Variants in PCDHA6 observed in about 807,000 individuals in gnomAD.
PCDHA6 encodes the protein protocadherin alpha 6, also known as protocadherin alpha-6.
In PCDHA6, 55 loss-of-function variants were observed where a neutral mutation model predicts 60.3. The ratio of observed to expected loss-of-function variants is 0.91; its 90% CI spans 0.73 to 1.14. The LOEUF (loss-of-function observed/expected upper bound fraction) is 1.14, where lower values mean the gene tolerates loss of function less well. PCDHA6 is among the 50% of genes most tolerant of loss of function. The probability of loss-of-function intolerance (pLI) is 0.00; values close to 1 mark genes in which losing one functional copy is unlikely to be tolerated. For missense variants in PCDHA6, 1,327 were observed against 1,256.5 expected (o/e 1.06, Z -0.85); for synonymous variants, 652 against 557.9 (o/e 1.17, Z -2.38).
chr5:140,888,197 C>T (rs190439070), intron 1 of PCDHA6, among the ~76,000 whole-genome samples: 18 of 152,162 alleles, frequency 1.2e-4, no homozygotes, highest in East Asian at 1.2e-3. Flanking sequence ...TTTACATTGT[C>T]GGATGCTGGA....
rs2067929537 is a variant in PCDHA6 at position 140,900,315 on chromosome 5, T to C, written c.2394+69830T>C. Among the ~76,000 whole-genome samples the C allele has an allele frequency of 2.0e-5, 3 of 152,186 alleles. No homozygotes were observed. The East Asian group carries it at 5.8e-4, about 29-fold the overall frequency. On this transcript the variant is annotated intron_variant, in intron 1 of 3. Transcript: ENST00000529310. ...GTTTTTTTAGACAGTCTCACTTTTG[T>C]CGCCCAGGCTGGAGTACCGTGGCGC...
chr5:140,907,932 A>T (rs1291390398), intron 1 of PCDHA6, among the ~76,000 whole-genome samples: 1 of 152,202 alleles, frequency 6.6e-6, no homozygotes, highest in Non-Finnish European at 1.5e-5. Context: ...GTCCATTCAC[A>T]TACCTTTTCC....
chr5:140,928,940 AT>A (rs573936635), intron 1 of PCDHA6: 94 of 1,614,062 alleles, frequency 5.8e-5, no homozygotes, highest in Non-Finnish European at 7.9e-5. Flanking sequence ...CAGAACTTGT[AT>A]TTAGTAATTG....
chr5:140,863,488 A>G (rs1554158271), intron 1 of PCDHA6: 1 of 451,898 alleles, frequency 2.2e-6, no homozygotes, highest in Admixed American at 2.5e-5. Context: ...CCCAAGGTCA[A>G]CATTACGGCT....
At position 140,856,318 on chromosome 5, in the gene PCDHA6, C is replaced by T. The variant is rs200204071; in HGVS notation, c.2394+25833C>T. 8.1e-6 allele frequency: 13 copies of T among 1,598,576 alleles called. 2 individuals are homozygous for T. The African/African-American group carries it at 1.7e-4, about 21-fold the overall frequency. On this transcript the variant is annotated intron_variant, in intron 1 of 3. Transcript: ENST00000529310. ...TTTTGTTTGTGAATTCTCGGATTGACCGCGAGGAGCTGTGCGGGCGGAGCG... is the reference window on the plus strand; with the variant it reads ...TTTTGTTTGTGAATTCTCGGATTGATCGCGAGGAGCTGTGCGGGCGGAGCG...
intron 1 of PCDHA6, chr5:140,929,740 A>G (rs2086345950): frequency 5.1e-6 from 1 of 196,656 alleles, no homozygotes; most frequent in African/African-American, 2.3e-5. Context: ...AACTATTGCA[A>G]TGCATTATTA....
At chr5:140,856,855 T>C in intron 1 of PCDHA6, 3 of 1,594,310 alleles carry the variant, frequency 1.9e-6, no homozygotes, top group Middle Eastern at 1.7e-4. Context: ...CTGATTCGGA[T>C]GAAGGAATAA....
In PCDHA6 at chr5:140,882,891, A is replaced by T. The variant is rs782750187; in HGVS notation, c.2394+52406A>T. 1 of 1,614,230 alleles carries T rather than the reference A, an allele frequency of 6.2e-7. No individual in the cohort carries two copies. The highest frequency in any genetic ancestry group is 8.5e-7 in the Non-Finnish European group (1 of 1,180,042). On this transcript the variant is annotated intron_variant, in intron 1 of 3. Transcript: ENST00000529310. ...CTGGACAGAGAGGAAATTCAGGAAC[A>T]TAGTTTATTACTGACAGCCAGTGAT...
chr5:140,869,332 G>A, intron 1 of PCDHA6: 3 of 1,613,960 alleles, frequency 1.9e-6, no homozygotes, highest in Middle Eastern at 1.7e-4. Flanking sequence ...CCTTCTGGAG[G>A]TAAATCTGCA....
chr5:140,842,484 C>T (rs2150337219), intron 1 of PCDHA6: 2 of 1,613,924 alleles, frequency 1.2e-6, no homozygotes, highest in East Asian at 2.2e-5. Context: ...GTGACCTGCT[C>T]CCTGATGCCC....
chr5:141,011,104 C>G lies in PCDHA6; in HGVS notation c.*1167C>G, dbSNP rs1396728499. The G allele has an allele frequency of 6.5e-6, 1 of 153,844 alleles. No homozygotes were observed. Among genetic ancestry groups the G allele is most frequent in the Non-Finnish European group, 1.5e-5 (1 of 68,020 alleles). The allele number at this position is 153,844 out of a possible 1,614,324, so 9.5% of individuals were successfully genotyped here. A position where few individuals can be genotyped will look rare whatever the true frequency, so the allele number is the denominator to read the frequency against. On this transcript the variant is annotated 3_prime_UTR_variant, in exon 4 of 4. Transcript: ENST00000529310. ...GATCTCTCTTTCTCTCTCTCTCTCT[C>G]TTTTCTAAGAAACAATTATGTGCAC... is the stretch of plus-strand genomic sequence containing the variant.
intron 3 of PCDHA6, among the ~76,000 whole-genome samples, chr5:140,995,578 T>C (rs1554254730): frequency 1.3e-5 from 2 of 152,256 alleles, no homozygotes; most frequent in African/African-American, 4.8e-5. Flanking sequence ...AGATGAGCTA[T>C]GAGCTTTTAA....
rs2098417406 is a variant in PCDHA6, at chr5:141,010,474, G to A, written c.*537G>A. Reference sequence around the variant, plus strand: ...CGGAAGTTATCAGTATGGAGGGGAAGTGTAAACTTAAAGGGACCAGACTTT... The same window carrying A: ...CGGAAGTTATCAGTATGGAGGGGAAATGTAAACTTAAAGGGACCAGACTTT... On this transcript the variant is annotated 3_prime_UTR_variant, in exon 4 of 4. Transcript: ENST00000529310. The A allele has an allele frequency of 3.9e-6, 3 of 760,382 alleles. No individual in the cohort carries two copies. The highest frequency in any genetic ancestry group is 3.2e-5 in the Admixed American group (1 of 31,594). The allele number at this position is 760,382 out of a possible 1,614,324, so 47.1% of individuals were successfully genotyped here.
intron 1 of PCDHA6, among the ~76,000 whole-genome samples, chr5:140,921,612 TATC>T (rs2080294560): frequency 6.6e-6 from 1 of 152,158 alleles, no homozygotes; most frequent in Non-Finnish European, 1.5e-5. Flanking sequence ...ATAAGAAAAA[TATC>T]ATCAGATCAT....
At chr5:140,870,893 A>G in intron 1 of PCDHA6, 1 of 1,613,930 alleles carries the variant, frequency 6.2e-7, no homozygotes, top group Non-Finnish European at 8.5e-7. Flanking sequence ...CGCGCAGTGG[A>G]TGCGGACTCA....
intron 3 of PCDHA6, among the ~76,000 whole-genome samples, chr5:140,999,451 C>T (rs1245812469): frequency 4.6e-5 from 7 of 152,084 alleles, no homozygotes; most frequent in African/African-American, 9.7e-5. Context: ...ATTCGTTCAA[C>T]GAATAAGTGG....
chr5:141,010,285 C>G lies in PCDHA6; in HGVS notation c.*348C>G, dbSNP rs1214485732. ...CTCCGGGGATCCTGTCTTGATGACA[C>G]TTGCAGGGCAGGCTGAAAAGTTTTG... On this transcript the variant is annotated 3_prime_UTR_variant, in exon 4 of 4. Transcript: ENST00000529310. 1.3e-6 allele frequency: 2 copies of G among 1,550,576 alleles called. No individual in the cohort carries two copies. Among genetic ancestry groups the G allele is most frequent in the Non-Finnish European group, 1.7e-6 (2 of 1,146,690 alleles).
intron 3 of PCDHA6, among the ~76,000 whole-genome samples, chr5:141,000,501 C>G (rs1252221313): frequency 2.1e-5 from 3 of 139,584 alleles, no homozygotes; most frequent in Admixed American, 7.5e-5. Flanking sequence ...GATCTCGGCT[C>G]ACTGCAACCT....
intron 1 of PCDHA6, chr5:140,876,230 A>C: frequency 6.2e-7 from 1 of 1,613,886 alleles, no homozygotes; most frequent in South Asian, 1.1e-5. Flanking sequence ...GTGTTGTCTG[A>C]AAATGTCCAA....
Sources: allele counts gnomAD v4.1 joint callset (sites outside exome capture counted in the v4.1 genomes callset), GRCh38; gene constraint gnomAD v4.1.1; transcripts MANE v1.5; gene names NCBI Gene and HGNC (gene_info 2026-07-23, HGNC 2026-07-21).